The following CCDC77 variants were observed in gnomAD, a reference collection of about 807,000 sequenced individuals.
CCDC77 encodes the protein coiled-coil domain containing 77.
CCDC77 carries 56 observed loss-of-function variants against 66.8 expected under a neutral mutation model. The ratio of observed to expected loss-of-function variants is 0.84; its 90% CI spans 0.68 to 1.05. CCDC77 has a LOEUF of 1.05. CCDC77 is among the 50% of genes least tolerant of loss of function. The pLI is 0.00. For synonymous variants in CCDC77, 196 were observed against 195.2 expected, an observed-to-expected ratio of 1.00 and a Z score of -0.03; for missense variants, 570 against 576.8, an observed-to-expected ratio of 0.99 and a Z score of 0.12.
At chr12:411,671 C>T (rs1565565799) in intron 3 of CCDC77, 76 bp from the exon 4 acceptor site, 2 of 1,214,028 alleles carry the variant, frequency 1.6e-6, no homozygotes, top group East Asian at 2.5e-5. Context: ...AACACAAAAC[C>T]CCCTTTTATT....
chr12:403,315 T>C (rs776522867), intron 1 of CCDC77, among the ~76,000 whole-genome samples: 3 of 152,188 alleles, frequency 2.0e-5, no homozygotes, highest in Non-Finnish European at 4.4e-5. Context: ...TGAGTGCTTA[T>C]ATATGTGTCA....
chr12:405,916 CTTT>C (rs34597637), intron 2 of CCDC77, among the ~76,000 whole-genome samples: 71 of 133,888 alleles, frequency 5.3e-4, no homozygotes, highest in Admixed American at 1.1e-3. Context: ...AAGTGTTCAA[CTTT>C]TTTTTTTTTT....
intron 1 of CCDC77, among the ~76,000 whole-genome samples, chr12:394,734 G>A (rs1454833628): frequency 6.6e-6 from 1 of 152,190 alleles, no homozygotes; most frequent in Non-Finnish European, 1.5e-5. Flanking sequence ...CTTTGGCATT[G>A]TAATGAATGA....
chr12:434,788 T>G (rs888018550), intron 9 of CCDC77, among the ~76,000 whole-genome samples: 1 of 152,244 alleles, frequency 6.6e-6, no homozygotes, highest in African/African-American at 2.4e-5. Flanking sequence ...CACCTGTCTT[T>G]CTTGGTTCTT....
Position 409,406 on chromosome 12 carries a change from C to A in CCDC77, c.23C>A (p.Thr8Asn), listed in dbSNP as rs1218595242. 3.7e-6 allele frequency: 6 copies of A among 1,613,272 alleles called. No individual in the cohort carries two copies. Among genetic ancestry groups the A allele is most frequent in the South Asian group, 1.1e-5 (1 of 91,080 alleles). Residue 8 changes from threonine (T) to asparagine (N), a missense_variant, in exon 3 of 13, where the codon ACC becomes AAC. By Grantham distance (65) the Thr-to-Asn change is moderately conservative. Coordinates refer to ENST00000239830, the MANE Select transcript of CCDC77 (RefSeq NM_032358.4). ...AGCATGAACTTTACCCCAACACACA[C>A]CCCTGTCTGCAGAAAGTAAGACATT... MNFTPTHTPVCRKRTVVS... is the reference protein window; with the variant it reads MNFTPTHNPVCRKRTVVS...
chr12:394,167 G>A (rs895601706), intron 1 of CCDC77, among the ~76,000 whole-genome samples: 1 of 152,190 alleles, frequency 6.6e-6, no homozygotes, highest in African/African-American at 2.4e-5. Context: ...CCGTATCTAA[G>A]TCTGAACAAC....
chr12:437,473 A>C (rs895502524), intron 9 of CCDC77, among the ~76,000 whole-genome samples: 4 of 152,018 alleles, frequency 2.6e-5, no homozygotes, highest in Admixed American at 6.6e-5. Flanking sequence ...TTAACCTGGG[A>C]TGGAGTTTCA....
chr12:394,959 G>C (rs1944807030), intron 1 of CCDC77, among the ~76,000 whole-genome samples: 1 of 152,132 alleles, frequency 6.6e-6, no homozygotes, highest in Non-Finnish European at 1.5e-5. Context: ...GAAGACAAAA[G>C]AATAAGCACA....
intron 1 of CCDC77, chr12:389,536 T>G: frequency 2.0e-5 from 1 of 49,744 alleles, no homozygotes; most frequent in Non-Finnish European, 3.9e-5. Context: ...AGGTACGGAT[T>G]GAGGGAAGCC....
rs769204974 is a variant in CCDC77 at position 440,754 on chromosome 12, T to C, written c.1167+12T>C. On this transcript the variant is annotated intron_variant, in intron 11 of 12. Transcript: ENST00000239830. ...GAGAGATCTTCAAGGTACGAAATTA[T>C]CTGCCACTTGTAATGGAATAGGAAG... 1 of 1,613,882 alleles carries C rather than the reference T, an allele frequency of 6.2e-7. No homozygotes were observed. The highest frequency in any genetic ancestry group is 8.5e-7 in the Non-Finnish European group (1 of 1,180,030).
At chr12:402,584 AG>A (rs1944917401) in intron 1 of CCDC77, among the ~76,000 whole-genome samples, 1 of 152,226 alleles carries the variant, frequency 6.6e-6, no homozygotes, top group South Asian at 2.1e-4. Context: ...GAGAGAAATA[AG>A]GCAGGAAAGT....
chr12:415,404 T>C lies in CCDC77; in HGVS notation c.271-3090T>C, dbSNP rs1321608332. Among the ~76,000 whole-genome samples the C allele has an allele frequency of 4.1e-5, 3 of 72,432 alleles. 1 individual carries two copies. The highest frequency in any genetic ancestry group is 2.8e-4 in the Admixed American group (2 of 7,254). The allele number at this position is 72,432 out of a possible 152,430, so 47.5% of individuals were successfully genotyped here. On this transcript the variant is annotated intron_variant, in intron 4 of 12. Transcript: ENST00000239830. ...TAATATTATGTTAATATAATCAACATAATATGTTGATATTATTAACATAAT... is the reference window on the plus strand; with the variant it reads ...TAATATTATGTTAATATAATCAACACAATATGTTGATATTATTAACATAAT...
At chr12:415,566 AAT>A (rs1196775305) in intron 4 of CCDC77, among the ~76,000 whole-genome samples, 2 of 141,862 alleles carry the variant, frequency 1.4e-5, no homozygotes, top group East Asian at 2.1e-4. Context: ...TTAACATAAT[AAT>A]ATGTTAATAA....
At chr12:393,440 G>A (rs1206017852) in intron 1 of CCDC77, among the ~76,000 whole-genome samples, 1 of 152,130 alleles carries the variant, frequency 6.6e-6, no homozygotes, top group South Asian at 2.1e-4. Context: ...AACCTTCTCA[G>A]ATGACTGTAA....
At chr12:441,671 T>C in intron 12 of CCDC77, 103 bp from the exon 13 acceptor site, 2 of 1,247,718 alleles carry the variant, frequency 1.6e-6, no homozygotes, top group South Asian at 2.9e-5. Context: ...GTACTCAAAA[T>C]CTCACAAAAA....
intron 4 of CCDC77, among the ~76,000 whole-genome samples, chr12:412,589 A>AC (rs975142808): frequency 6.6e-6 from 1 of 151,840 alleles, no homozygotes; most frequent in Non-Finnish European, 1.5e-5. Context: ...GTAACACAAC[A>AC]CCCCCAGCTG....
upstream of CCDC77, among the ~76,000 whole-genome samples, chr12:399,045 C>T (rs1944864077): frequency 6.6e-6 from 1 of 152,146 alleles, no homozygotes; most frequent in Non-Finnish European, 1.5e-5. Context: ...AGACATCTCA[C>T]CAAGCCAAGT....
chr12:433,095 G>GTTT, intron 8 of CCDC77, 79 bp from the exon 9 acceptor site: 1 of 1,425,488 alleles, frequency 7.0e-7, no homozygotes, highest in Non-Finnish European at 9.5e-7. Flanking sequence ...AATTTTTCTG[G>GTTT]AGAAAGGCTC....
rs1311493341 is a variant in CCDC77 at position 423,497 on chromosome 12, T to TTG, written c.413+4862_413+4863insGT. Among the ~76,000 whole-genome samples the TTG allele has an allele frequency of 2.9e-4, 22 of 75,780 alleles. 1 individual carries two copies. Among genetic ancestry groups the TTG allele is most frequent in the Middle Eastern group, 8.8e-3 (1 of 114 alleles). The allele number at this position is 75,780 out of a possible 152,430, so 49.7% of individuals were successfully genotyped here. A position where few individuals can be genotyped will look rare whatever the true frequency, so the allele number is the denominator to read the frequency against. The stretch of plus-strand genomic sequence containing the variant: ...TTTTTGTGTTTTTTTTTGTTTTGTT[T>TTG]TTTTTTTTTTTTTTTTGAGACAGGG... On this transcript the variant is annotated intron_variant, in intron 5 of 12. Coordinates refer to ENST00000239830, the MANE Select transcript of CCDC77 (RefSeq NM_032358.4).
Sources: gnomAD v4.1 joint callset for allele counts (sites outside exome capture counted in the v4.1 genomes callset) on GRCh38, gnomAD v4.1.1 for gene constraint, MANE v1.5 for transcripts, NCBI Gene and HGNC (gene_info 2026-07-23, HGNC 2026-07-21) for gene names.